The following DRD3 variants were observed in gnomAD, a reference collection of about 807,000 sequenced individuals.
DRD3 encodes dopamine receptor D3.
Under a neutral mutation model 36.3 loss-of-function variants are expected in DRD3, and 19 were observed. The ratio of observed to expected loss-of-function variants is 0.52; its 90% CI spans 0.36 to 0.77. The LOEUF (loss-of-function observed/expected upper bound fraction) is 0.77, where lower values mean the gene tolerates loss of function less well. Ranked by LOEUF, DRD3 falls within the 30% of genes least tolerant of loss-of-function variation. DRD3 has a pLI of 0.00. For missense variants in DRD3, 465 were observed against 505.3 expected (o/e 0.92, Z 0.77); for synonymous variants, 195 against 203.7 (o/e 0.96, Z 0.36).
chr3:114,159,995 C>A, intron 2 of DRD3, 128 bp from the exon 3 acceptor site: 1 of 761,182 alleles, frequency 1.3e-6, no homozygotes, highest in Non-Finnish European at 2.2e-6. Flanking sequence ...TACCGTTGTT[C>A]CCACAGGGCA....
At chr3:114,198,979 A>G (rs2078050945) in intron 1 of DRD3, among the ~76,000 whole-genome samples, 1 of 152,204 alleles carries the variant, frequency 6.6e-6, no homozygotes, top group Non-Finnish European at 1.5e-5. Flanking sequence ...TCCTGGCCTC[A>G]AGGGATACAC....
intron 2 of DRD3, among the ~76,000 whole-genome samples, chr3:114,165,002 C>T (rs751869589): frequency 6.6e-6 from 1 of 152,192 alleles, no homozygotes; most frequent in Admixed American, 6.5e-5. Flanking sequence ...CCACCCACCT[C>T]GGCCTCCCGA....
chr3:114,151,484 T>C (rs548719585), intron 3 of DRD3, among the ~76,000 whole-genome samples: 5 of 152,320 alleles, frequency 3.3e-5, no homozygotes, highest in South Asian at 2.1e-4. Context: ...ACTCCCACCA[T>C]GGCCTATTTT....
intron 3 of DRD3, among the ~76,000 whole-genome samples, chr3:114,157,560 C>T (rs541340669): frequency 1.3e-5 from 2 of 152,088 alleles, no homozygotes; most frequent in Admixed American, 6.5e-5. Context: ...AGCACAGGCC[C>T]CCTCAATTGG....
At chr3:114,166,844 T>C (rs1357043429) in intron 2 of DRD3, among the ~76,000 whole-genome samples, 1 of 152,196 alleles carries the variant, frequency 6.6e-6, no homozygotes, top group African/African-American at 2.4e-5. Flanking sequence ...GTGGAAATGA[T>C]GGCAAAAATA....
upstream of DRD3, among the ~76,000 whole-genome samples, chr3:114,181,659 G>A (rs572758793): frequency 8.5e-4 from 129 of 152,278 alleles, no homozygotes; most frequent in Admixed American, 6.5e-3. Context: ...CTAGCCAATG[G>A]CCCTTCATCA....
At chr3:114,192,873 T>G (rs577399419) in intron 1 of DRD3, among the ~76,000 whole-genome samples, 1 of 152,378 alleles carries the variant, frequency 6.6e-6, no homozygotes, top group Non-Finnish European at 1.5e-5. Context: ...AAAATACTTT[T>G]ATTTCTGTTG....
In DRD3 at chr3:114,159,736, A is replaced by G. The variant is rs7632503; in HGVS notation, c.383+19T>C. On this transcript the variant is annotated intron_variant, in intron 3 of 6. Transcript: ENST00000383673. The stretch of plus-strand genomic sequence containing the variant: ...TTCCCCAGCTTTTGGGCCACCTGGA[A>G]GGGGAATTGCAGCCCTACCTGTCTA... The G allele has an allele frequency of 0.015, 23,544 of 1,610,164 alleles. 227 individuals are homozygous for G. Among genetic ancestry groups the G allele is most frequent in the Non-Finnish European group, 0.017 (20,009 of 1,176,898 alleles).
At chr3:114,144,271 A>C (rs1029842645) in intron 4 of DRD3, among the ~76,000 whole-genome samples, 2 of 152,266 alleles carry the variant, frequency 1.3e-5, no homozygotes, top group African/African-American at 4.8e-5. Context: ...CATGGCATTA[A>C]AAGAAGAGCT....
intron 4 of DRD3, among the ~76,000 whole-genome samples, chr3:114,144,160 C>T (rs182746045): frequency 1.1e-3 from 168 of 152,372 alleles, no homozygotes; most frequent in African/African-American, 3.9e-3. Flanking sequence ...TCATATTGAC[C>T]TTTCATCTGA....
intron 5 of DRD3, among the ~76,000 whole-genome samples, chr3:114,133,846 C>T (rs768161355): frequency 1.3e-5 from 2 of 152,168 alleles, no homozygotes; most frequent in African/African-American, 4.8e-5. Flanking sequence ...TCACTTCATA[C>T]CTCCATTCCC....
intron 3 of DRD3, among the ~76,000 whole-genome samples, chr3:114,155,243 A>G (rs2077654851): frequency 6.6e-6 from 1 of 152,204 alleles, no homozygotes; most frequent in African/African-American, 2.4e-5. Flanking sequence ...ATGTAATGCA[A>G]ACTGCTGTGA....
rs781637301 is a variant in DRD3 at position 114,163,814 on chromosome 3, C to T, written c.271-3947G>A. Reference sequence around the variant, plus strand: ...AATGGGTATGGGTGAACTGAGGGCCCGGGAGATAAGTACTTAAAAAACAGC... The same window carrying T: ...AATGGGTATGGGTGAACTGAGGGCCTGGGAGATAAGTACTTAAAAAACAGC... On this transcript the variant is annotated intron_variant, in intron 2 of 6. Coordinates refer to ENST00000383673, the MANE Select transcript of DRD3 (RefSeq NM_000796.6). Among the ~76,000 whole-genome samples, 6 of 151,866 alleles carry T rather than the reference C, an allele frequency of 4.0e-5. No homozygotes were observed. In the East Asian group the frequency reaches 5.8e-4, roughly 15 times the overall value.
intron 1 of DRD3, among the ~76,000 whole-genome samples, chr3:114,173,588 T>C (rs2077867682): frequency 6.6e-6 from 1 of 152,120 alleles, no homozygotes; most frequent in African/African-American, 2.4e-5. Context: ...CTATGTAGCC[T>C]GAGGTTGGGA....
chr3:114,185,312 G>A (rs2077969599), intron 1 of DRD3, among the ~76,000 whole-genome samples: 2 of 151,990 alleles, frequency 1.3e-5, no homozygotes, highest in East Asian at 1.9e-4. Context: ...TTTTCTTTTT[G>A]TTCCTCAGAC....
At chr3:114,196,927 C>T (rs1388396207) in intron 1 of DRD3, among the ~76,000 whole-genome samples, 1 of 150,944 alleles carries the variant, frequency 6.6e-6, no homozygotes, top group East Asian at 1.9e-4. Context: ...CAGTCTATGT[C>T]TGTCTTTTTA....
chr3:114,148,665 G>C (rs1453986127), intron 3 of DRD3, among the ~76,000 whole-genome samples: 3 of 152,042 alleles, frequency 2.0e-5, no homozygotes, highest in African/African-American at 7.2e-5. Flanking sequence ...CCAGTACTTA[G>C]ACCTTTTGAC....
At chr3:114,131,473 C>T in intron 5 of DRD3, 73 bp from the exon 6 acceptor site, 1 of 1,522,632 alleles carries the variant, frequency 6.6e-7, no homozygotes, top group Non-Finnish European at 8.8e-7. Context: ...CCTGAAAGGG[C>T]CAGAGAATTC....
intron 2 of DRD3, among the ~76,000 whole-genome samples, chr3:114,170,203 C>T (rs188995015): frequency 1.4e-4 from 22 of 152,208 alleles, no homozygotes; most frequent in African/African-American, 4.8e-5. Context: ...TAGCTCGTCC[C>T]CAAAAGTCCT....
Sources: gnomAD v4.1 joint callset for allele counts (sites outside exome capture counted in the v4.1 genomes callset) on GRCh38, gnomAD v4.1.1 for gene constraint, MANE v1.5 for transcripts, NCBI Gene and HGNC (gene_info 2026-07-23, HGNC 2026-07-21) for gene names.